Variants in AGO2 observed in about 807,000 individuals in gnomAD.
AGO2 encodes the protein argonaute RISC catalytic component 2, also known as protein argonaute-2.
In AGO2, 5 loss-of-function variants were observed where a neutral mutation model predicts 102.3. The observed-to-expected ratio is 0.05, with a 90% CI of 0.03 to 0.10. The LOEUF is 0.10. Ranked by LOEUF, AGO2 falls within the 10% of genes least tolerant of loss-of-function variation. The pLI is 1.00. For missense variants in AGO2, 541 were observed against 1,183.7 expected (o/e 0.46, Z 7.97); for synonymous variants, 449 against 473.1 (o/e 0.95, Z 0.66).
intron 1 of AGO2, among the ~76,000 whole-genome samples, chr8:140,634,787 T>C (rs2074382774): frequency 6.6e-6 from 1 of 152,140 alleles, no homozygotes; most frequent in African/African-American, 2.4e-5. Flanking sequence ...AGTTTGAGGG[T>C]TCCGGGGAGC....
intron 3 of AGO2, among the ~76,000 whole-genome samples, chr8:140,566,696 G>A (rs117772909): frequency 1.6e-4 from 25 of 151,974 alleles, no homozygotes; most frequent in Admixed American, 2.6e-4. Flanking sequence ...GGGCCAGGTG[G>A]CAGGAAGCAG....
At chr8:140,546,913 G>A (rs1418856921) in intron 13 of AGO2, among the ~76,000 whole-genome samples, 1 of 152,200 alleles carries the variant, frequency 6.6e-6, no homozygotes, top group African/African-American at 2.4e-5. Context: ...GGTGCCAGAG[G>A]AGGGTGCAGC....
chr8:140,538,592 C>A (rs1346610392), intron 16 of AGO2, among the ~76,000 whole-genome samples: 1 of 152,216 alleles, frequency 6.6e-6, no homozygotes, highest in African/African-American at 2.4e-5. Context: ...TTCAACGCCG[C>A]CACCTCTCCT....
intron 5 of AGO2, 53 bp downstream of exon 5, chr8:140,560,321 C>A: frequency 6.3e-7 from 1 of 1,590,342 alleles, no homozygotes; most frequent in Non-Finnish European, 8.6e-7. Context: ...GTCCTGACCC[C>A]CCAGCCCATG....
Position 140,537,540 on chromosome 8 carries a change from G to A in AGO2, c.2169+1780C>T, listed in dbSNP as rs116962007. Among the ~76,000 whole-genome samples, 496 of 152,208 alleles carry A rather than the reference G, an allele frequency of 3.3e-3. 1 individual carries two copies. Among genetic ancestry groups the A allele is most frequent in the Non-Finnish European group, 5.1e-3 (347 of 68,008 alleles). ...TAGTCTTGAACTCTTGGACTAATAC[G>A]ATCCACCTACCTTGGCCTCCCAAAG... On this transcript the variant is annotated intron_variant, in intron 16 of 18. Coordinates refer to ENST00000220592, the MANE Select transcript of AGO2 (RefSeq NM_012154.5).
the AGO2 span, among the ~76,000 whole-genome samples, chr8:140,641,295 A>AAC: frequency 0.032 from 4,729 of 146,916 alleles, 80 homozygotes; most frequent in South Asian, 0.05. Flanking sequence ...GCTGTCTCAA[A>AAC]ACACACACAC....
At chr8:140,562,718 C>G (rs2073223546) in intron 3 of AGO2, 84 bp from the exon 4 acceptor site, 1 of 1,522,964 alleles carries the variant, frequency 6.6e-7, no homozygotes, top group African/African-American at 1.4e-5. Context: ...GGCTTCCAGA[C>G]ACTCCTGGGT....
At chr8:140,606,545 A>G (rs908877583) in intron 1 of AGO2, among the ~76,000 whole-genome samples, 4 of 152,268 alleles carry the variant, frequency 2.6e-5, no homozygotes, top group African/African-American at 9.6e-5. Context: ...TGCCTTCAGC[A>G]CAATGTGAAA....
intron 11 of AGO2, among the ~76,000 whole-genome samples, chr8:140,550,244 A>T: frequency 6.6e-6 from 1 of 152,242 alleles, no homozygotes; most frequent in East Asian, 1.9e-4. Flanking sequence ...GCTGGTTCGC[A>T]GTCAGCCCTT....
intron 10 of AGO2, among the ~76,000 whole-genome samples, chr8:140,553,410 TG>T (rs368540446): frequency 0.48 from 57,161 of 120,290 alleles, 13,444 homozygotes; most frequent in African/African-American, 0.63. Flanking sequence ...TTTTGTTTTT[TG>T]TTTTTTTTTT....
chr8:140,571,606 C>A (rs74655569), intron 3 of AGO2, among the ~76,000 whole-genome samples: 38 of 152,330 alleles, frequency 2.5e-4, no homozygotes, highest in Non-Finnish European at 1.5e-4. Flanking sequence ...CCTTTGCATA[C>A]GGAGCTGGCT....
chr8:140,571,414 G>C (rs888565376), intron 3 of AGO2, among the ~76,000 whole-genome samples: 14 of 152,186 alleles, frequency 9.2e-5, no homozygotes, highest in African/African-American at 3.1e-4. Context: ...TGGGAGGATC[G>C]CTTGAGCCTG....
chr8:140,591,327 AG>A (rs1214305274), intron 1 of AGO2, among the ~76,000 whole-genome samples: 1 of 152,196 alleles, frequency 6.6e-6, no homozygotes, highest in Non-Finnish European at 1.5e-5. Flanking sequence ...CCCCAAAGGC[AG>A]GGGCTGTAGA....
chr8:140,597,480 C>CCCCCCCCCCCCCCCCCCCCCCA (rs2073864620), intron 1 of AGO2, among the ~76,000 whole-genome samples: 2 of 132,126 alleles, frequency 1.5e-5, no homozygotes, highest in African/African-American at 5.5e-5. Context: ...CCCCACCCCC[C>CCCCCCCCCCCCCCCCCCCCCCA]CCCCCCCGCC....
At chr8:140,541,433 G>T in intron 14 of AGO2, 75 bp from the exon 15 acceptor site, 2 of 1,365,594 alleles carry the variant, frequency 1.5e-6, no homozygotes, top group Non-Finnish European at 9.7e-7. Flanking sequence ...TGGACTCTCG[G>T]GAAGATGGGG....
intron 1 of AGO2, among the ~76,000 whole-genome samples, chr8:140,611,579 C>T (rs562473807): frequency 2.6e-5 from 4 of 152,194 alleles, no homozygotes; most frequent in South Asian, 2.1e-4. Flanking sequence ...CCGCCCACCT[C>T]GGCCTCCCAA....
At position 140,541,160 on chromosome 8, in the gene AGO2, C is replaced by A; in HGVS notation, c.2034+4G>T. On this transcript the variant is annotated splice_donor_region_variant and intron_variant, in intron 15 of 18. Coordinates refer to ENST00000220592, the MANE Select transcript of AGO2 (RefSeq NM_012154.5). ...GGGGAGGGAAGGTTCCAAGAGGCGC[C>A]CACCTGCTGGAACTGGCCTTCAGAG... is the stretch of plus-strand genomic sequence containing the variant. 6.5e-7 allele frequency: 1 copy of A among 1,545,632 alleles called. No individual in the cohort carries two copies. Among genetic ancestry groups the A allele is most frequent in the South Asian group, 1.2e-5 (1 of 83,508 alleles).
intron 1 of AGO2, among the ~76,000 whole-genome samples, chr8:140,608,548 C>T (rs574662679): frequency 1.3e-5 from 2 of 152,356 alleles, no homozygotes; most frequent in Admixed American, 6.5e-5. Flanking sequence ...AAGCAGGGAC[C>T]GGGGCGGGGA....
At chr8:140,604,823 T>A (rs1183597311) in intron 1 of AGO2, among the ~76,000 whole-genome samples, 1 of 61,822 alleles carries the variant, frequency 1.6e-5, no homozygotes, top group African/African-American at 6.0e-5. Context: ...CGAGACTCCA[T>A]CTCAAAAAAA....
Sources: gnomAD v4.1 joint callset for allele counts (sites outside exome capture counted in the v4.1 genomes callset) on GRCh38, gnomAD v4.1.1 for gene constraint, MANE v1.5 for transcripts, NCBI Gene and HGNC (gene_info 2026-07-23, HGNC 2026-07-21) for gene names.